Variants in ST8SIA1 observed in about 807,000 individuals in gnomAD.
ST8SIA1 encodes the protein alpha-N-acetylneuraminide alpha-2,8-sialyltransferase.
ST8SIA1 carries 16 observed loss-of-function variants against 35.9 expected under a neutral mutation model. The observed-to-expected ratio is 0.45, with a 90% confidence interval of 0.30 to 0.68. The LOEUF is 0.68. Ranked by LOEUF, ST8SIA1 falls within the 30% of genes least tolerant of loss-of-function variation. The probability of loss-of-function intolerance (pLI) is 0.09; values close to 1 mark genes in which losing one functional copy is unlikely to be tolerated. For synonymous variants in ST8SIA1, 170 were observed against 169.6 expected, an observed-to-expected ratio of 1.00 and a Z score of -0.02; for missense variants, 383 against 453.6, an observed-to-expected ratio of 0.84 and a Z score of 1.41.
Position 22,334,620 on chromosome 12 carries a change from A to C in ST8SIA1, c.-388T>G. 8.5e-6 allele frequency: 2 copies of C among 234,524 alleles called. No homozygotes were observed. Among genetic ancestry groups the C allele is most frequent in the Non-Finnish European group, 1.7e-5 (2 of 118,744 alleles). 14.5% of individuals were successfully genotyped at this position (234,524 alleles called of 1,614,324 possible). A position where few individuals can be genotyped will look rare whatever the true frequency, so the allele number is the denominator to read the frequency against. On this transcript the variant is annotated 5_prime_UTR_variant, in exon 1 of 5. Transcript: ENST00000396037. ...GGGAGAAGGCTCGGCTCCCTCCTAAACATGTGGCCCGTGGCGTCCCCTTGT... is the reference window on the plus strand; with the variant it reads ...GGGAGAAGGCTCGGCTCCCTCCTAACCATGTGGCCCGTGGCGTCCCCTTGT...
In ST8SIA1 at chr12:22,255,375, C is replaced by T. The variant is rs1184588185; in HGVS notation, c.396G>A (p.Gln132=). 2.5e-6 allele frequency: 4 copies of T among 1,614,020 alleles called. No homozygotes were observed. In the South Asian group the frequency reaches 3.3e-5, roughly 13 times the overall value. Residue 132 remains glutamine, a synonymous_variant, in exon 3 of 5, where the codon CAG becomes CAA. Coordinates refer to ENST00000396037, the MANE Select transcript of ST8SIA1 (RefSeq NM_003034.4). ...CCACCGCGCATTTCTTCAATGGCAG[C>T]TGGAATGGGGTTGCCTAGCAACAGA... The part of the protein sequence containing the change: ...YSLFPQATPF[Q]LPLKKCAVVG...
rs78346022 is a variant in ST8SIA1 at position 22,227,928 on chromosome 12, C to T, written c.584+21078G>A. 7.3e-3 allele frequency among the ~76,000 whole-genome samples: 1,110 copies of T among 152,288 alleles called. 11 individuals are homozygous for T. The highest frequency in any genetic ancestry group is 0.025 in the African/African-American group (1,021 of 41,550). ...GTCTGATGATGGTTAGGGAGTCATA[C>T]GCAGAATTTAATTCTTCCTTTAGTG... On this transcript the variant is annotated intron_variant, in intron 4 of 4. Coordinates refer to ENST00000396037, the MANE Select transcript of ST8SIA1 (RefSeq NM_003034.4).
intron 1 of ST8SIA1, among the ~76,000 whole-genome samples, chr12:22,309,150 C>T (rs1367119203): frequency 1.3e-5 from 2 of 152,082 alleles, no homozygotes; most frequent in African/African-American, 2.4e-5. Context: ...AAGGGGACCC[C>T]AAGATAATCT....
chr12:22,231,581 A>T (rs56277870), intron 4 of ST8SIA1, among the ~76,000 whole-genome samples: 7,390 of 149,254 alleles, frequency 0.05, 364 homozygotes, highest in South Asian at 0.17. Context: ...TTTGTTTATT[A>T]TTTTTTTTTT....
intron 4 of ST8SIA1, among the ~76,000 whole-genome samples, chr12:22,204,710 C>T (rs1452787998): frequency 6.6e-6 from 1 of 152,166 alleles, no homozygotes; most frequent in African/African-American, 2.4e-5. Flanking sequence ...GAACACACAG[C>T]TTGAATTTAC....
rs1190040118 is a variant in ST8SIA1 at position 22,194,034 on chromosome 12, C to T, written c.*7518G>A. ...TTAGACTGACTATGCTGCACGGTAA[C>T]TGGAATTTTAGTAATATTTCAGACT... is the stretch of plus-strand genomic sequence containing the variant. On this transcript the variant is annotated 3_prime_UTR_variant, in exon 5 of 5. Coordinates refer to ENST00000396037, the MANE Select transcript of ST8SIA1 (RefSeq NM_003034.4). The T allele has an allele frequency of 2.6e-5, 4 of 152,156 alleles. No homozygotes were observed. The East Asian group carries it at 7.7e-4, about 29-fold the overall frequency. The allele number at this position is 152,156 out of a possible 1,614,324, so 9.4% of individuals were successfully genotyped here. A position where few individuals can be genotyped will look rare whatever the true frequency, so the allele number is the denominator to read the frequency against.
intron 4 of ST8SIA1, among the ~76,000 whole-genome samples, chr12:22,208,135 CAAAA>C (rs71053390): frequency 2.0e-5 from 2 of 97,834 alleles, no homozygotes; most frequent in African/African-American, 3.9e-5. Context: ...GTCTGTCTCA[CAAAA>C]AAAAAAAAAA....
At chr12:22,321,224 G>A (rs1049314891) in intron 1 of ST8SIA1, among the ~76,000 whole-genome samples, 1 of 152,196 alleles carries the variant, frequency 6.6e-6, no homozygotes, top group African/African-American at 2.4e-5. Context: ...AGAGGGGTGG[G>A]AGAGAAAGAG....
chr12:22,242,239 AT>A (rs1275717026), intron 4 of ST8SIA1, among the ~76,000 whole-genome samples: 1 of 152,232 alleles, frequency 6.6e-6, no homozygotes, highest in East Asian at 1.9e-4. Flanking sequence ...TATATGTTGA[AT>A]AATTAAGCCT....
intron 2 of ST8SIA1, among the ~76,000 whole-genome samples, chr12:22,262,471 C>A (rs1355451077): frequency 6.6e-6 from 1 of 152,180 alleles, no homozygotes; most frequent in East Asian, 1.9e-4. Flanking sequence ...GCACTGACCT[C>A]CACCACTGGC....
At chr12:22,239,888 T>G (rs555597178) in intron 4 of ST8SIA1, among the ~76,000 whole-genome samples, 1 of 152,308 alleles carries the variant, frequency 6.6e-6, no homozygotes, top group African/African-American at 2.4e-5. Context: ...GTCCAGAGAT[T>G]GGTCTCTTTT....
chr12:22,287,391 A>G (rs772560152), intron 1 of ST8SIA1, 98 bp from the exon 2 acceptor site: 115 of 1,248,764 alleles, frequency 9.2e-5, no homozygotes, highest in Non-Finnish European at 6.4e-5. Context: ...ACCTTACCTC[A>G]GTGCCAGCTC....
intron 4 of ST8SIA1, among the ~76,000 whole-genome samples, chr12:22,236,122 G>A (rs1296842194): frequency 2.0e-5 from 3 of 152,060 alleles, no homozygotes; most frequent in Non-Finnish European, 4.4e-5. Flanking sequence ...TTTCTCTCCT[G>A]CTCCTTTACC....
intron 1 of ST8SIA1, among the ~76,000 whole-genome samples, chr12:22,321,342 T>C (rs1408097664): frequency 6.6e-6 from 1 of 152,164 alleles, no homozygotes; most frequent in Non-Finnish European, 1.5e-5. Context: ...ACTTTGCCAT[T>C]AGAAGGCTGG....
At chr12:22,320,926 G>GAAGAAAGA (rs138532412) in intron 1 of ST8SIA1, among the ~76,000 whole-genome samples, 197 of 71,782 alleles carry the variant, frequency 2.7e-3, no homozygotes, top group Non-Finnish European at 4.5e-3. Context: ...GGAAAGAAAG[G>GAAGAAAGA]AAGAAAGAAA....
At chr12:22,203,378 A>G (rs1197069927) in intron 4 of ST8SIA1, among the ~76,000 whole-genome samples, 1 of 152,196 alleles carries the variant, frequency 6.6e-6, no homozygotes, top group African/African-American at 2.4e-5. Flanking sequence ...CTGGCCTGAC[A>G]TGTTGGCAGG....
chr12:22,245,193 T>C (rs568040317), intron 4 of ST8SIA1, among the ~76,000 whole-genome samples: 19 of 152,330 alleles, frequency 1.2e-4, no homozygotes, highest in Admixed American at 6.5e-4. Context: ...TCTATTGGAA[T>C]TTCAATGAAT....
chr12:22,297,245 A>G (rs956926529), intron 1 of ST8SIA1, among the ~76,000 whole-genome samples: 1 of 151,684 alleles, frequency 6.6e-6, no homozygotes, highest in African/African-American at 2.4e-5. Flanking sequence ...AATTATACAG[A>G]TTTTTTAAGT....
Position 22,200,204 on chromosome 12 carries a change from T to A in ST8SIA1, c.*1348A>T, listed in dbSNP as rs1035652152. On this transcript the variant is annotated 3_prime_UTR_variant, in exon 5 of 5. Transcript: ENST00000396037. Reference sequence around the variant, plus strand: ...AATTCTGCTCATTCCGGGTAAGCATTTGGGGGTAAGACTTGCATCTTGTGC... The same window carrying A: ...AATTCTGCTCATTCCGGGTAAGCATATGGGGGTAAGACTTGCATCTTGTGC... 6.6e-6 allele frequency: 1 copy of A among 152,130 alleles called. No individual in the cohort carries two copies. The highest frequency in any genetic ancestry group is 6.5e-5 in the Admixed American group (1 of 15,278). 9.4% of individuals were successfully genotyped at this position (152,130 alleles called of 1,614,324 possible).
Sources: gnomAD v4.1 joint callset for allele counts (sites outside exome capture counted in the v4.1 genomes callset) on GRCh38, gnomAD v4.1.1 for gene constraint, MANE v1.5 for transcripts, NCBI Gene and HGNC (gene_info 2026-07-23, HGNC 2026-07-21) for gene names.